Variants in TMEM232 observed in about 807,000 individuals in gnomAD.
The protein encoded by TMEM232 is transmembrane protein 232.
In TMEM232, 80 loss-of-function variants were observed where a neutral mutation model predicts 78.8. The ratio of observed to expected loss-of-function variants is 1.01; its 90% CI spans 0.85 to 1.22. The LOEUF is 1.22. Among genes scored for constraint, TMEM232 ranks in the 50% most tolerant of loss-of-function variants. The pLI is 0.00. For missense variants in TMEM232, 881 were observed against 742.2 expected (o/e 1.19, Z -2.17); for synonymous variants, 297 against 254.3 (o/e 1.17, Z -1.60).
chr5:110,491,362 C>T (rs1415327323), intron 12 of TMEM232, among the ~76,000 whole-genome samples: 1 of 151,900 alleles, frequency 6.6e-6, no homozygotes, highest in African/African-American at 2.4e-5. Flanking sequence ...TTATACATTG[C>T]TGATGGGTAT....
chr5:110,516,132 A>G (rs1768599759), intron 12 of TMEM232, among the ~76,000 whole-genome samples: 1 of 152,046 alleles, frequency 6.6e-6, no homozygotes, highest in South Asian at 2.1e-4. Flanking sequence ...CCAGCTACTC[A>G]GGAGGCTGAC....
At chr5:110,404,397 C>A (rs1032447265) in intron 2 of TMEM232, among the ~76,000 whole-genome samples, 7 of 152,082 alleles carry the variant, frequency 4.6e-5, no homozygotes, top group Admixed American at 4.6e-4. Context: ...GAGAAAAAAA[C>A]TATTTTATTC....
chr5:110,640,466 A>G (rs576243024), intron 4 of TMEM232, among the ~76,000 whole-genome samples: 3 of 152,170 alleles, frequency 2.0e-5, no homozygotes, highest in Non-Finnish European at 2.9e-5. Context: ...GGAGTGATAA[A>G]TGAAAAGGTA....
intron 1 of TMEM232, among the ~76,000 whole-genome samples, chr5:110,696,579 T>G (rs1794812216): frequency 6.6e-6 from 1 of 152,166 alleles, no homozygotes; most frequent in South Asian, 2.1e-4. Context: ...AAAATCTCCT[T>G]AAGCTGATAA....
chr5:110,738,834 T>C (rs138263274), upstream of TMEM232: 86 of 598,818 alleles, frequency 1.4e-4, no homozygotes, highest in African/African-American at 1.5e-3. Flanking sequence ...TTTGGTACTG[T>C]GTTTCATTAA....
intron 12 of TMEM232, among the ~76,000 whole-genome samples, chr5:110,492,722 T>C (rs1243372749): frequency 2.0e-5 from 3 of 152,006 alleles, no homozygotes; most frequent in Admixed American, 1.3e-4. Flanking sequence ...TTCTCATTAG[T>C]CACAAATTTC....
chr5:110,579,125 G>A (rs531791478), intron 10 of TMEM232, among the ~76,000 whole-genome samples: 44 of 151,664 alleles, frequency 2.9e-4, no homozygotes, highest in African/African-American at 9.9e-4. Flanking sequence ...TCATGTCAAG[G>A]GGATGATTGT....
intron 1 of TMEM232, among the ~76,000 whole-genome samples, chr5:110,706,620 T>C (rs1795956994): frequency 6.6e-6 from 1 of 152,144 alleles, no homozygotes; most frequent in Admixed American, 6.6e-5. Context: ...TTATTTTTAA[T>C]CTCAAATTCT....
intron 10 of TMEM232, among the ~76,000 whole-genome samples, chr5:110,585,248 G>A (rs73224349): frequency 0.029 from 4,443 of 152,166 alleles, 221 homozygotes; most frequent in African/African-American, 0.1. Context: ...GAGATAATAG[G>A]AAACTTTTAG....
chr5:110,452,949 A>G (rs1760482453), intron 12 of TMEM232, among the ~76,000 whole-genome samples: 1 of 152,186 alleles, frequency 6.6e-6, no homozygotes, highest in African/African-American at 2.4e-5. Flanking sequence ...GAGGTGCTTA[A>G]CAGAACGCTT....
In TMEM232 at chr5:110,669,880, C is replaced by T. The variant is rs563396772; in HGVS notation, c.-12-2516G>A. Among the ~76,000 whole-genome samples, 10 of 152,210 alleles carry T rather than the reference C, an allele frequency of 6.6e-5. No individual in the cohort carries two copies. In the East Asian group the frequency reaches 1.2e-3, roughly 18 times the overall value. ...ATATAAACAGAACCAAAGACAAAAA[C>T]CACATGATTATCTCAATAGATGCAG... On this transcript the variant is annotated intron_variant, in intron 1 of 13. Coordinates refer to ENST00000455884, the MANE Select transcript of TMEM232 (RefSeq NM_001039763.4).
In TMEM232 at chr5:110,683,188, T is replaced by C. The variant is rs544115931; in HGVS notation, c.-12-15824A>G. 2.6e-5 allele frequency among the ~76,000 whole-genome samples: 4 copies of C among 152,234 alleles called. No individual in the cohort carries two copies. In the South Asian group the frequency reaches 6.2e-4, roughly 24 times the overall value. On this transcript the variant is annotated intron_variant, in intron 1 of 13. Transcript: ENST00000455884. Reference sequence around the variant, plus strand: ...GACTAAGCAATAAATACTTTAAACATGAAAATATTCCAAAATTAGTACATC... The same window carrying C: ...GACTAAGCAATAAATACTTTAAACACGAAAATATTCCAAAATTAGTACATC...
chr5:110,408,659 TA>T (rs1456310645), intron 2 of TMEM232, among the ~76,000 whole-genome samples: 1 of 151,966 alleles, frequency 6.6e-6, no homozygotes, highest in Non-Finnish European at 1.5e-5. Context: ...ATTAAAAATA[TA>T]AACAAAATTC....
intron 12 of TMEM232, among the ~76,000 whole-genome samples, chr5:110,471,605 C>T (rs575272854): frequency 1.4e-4 from 21 of 149,608 alleles, no homozygotes; most frequent in African/African-American, 4.4e-4. Flanking sequence ...TGACATATTC[C>T]AAGTGCTGAA....
At chr5:110,469,354 G>A (rs1762423360) in intron 12 of TMEM232, among the ~76,000 whole-genome samples, 1 of 152,212 alleles carries the variant, frequency 6.6e-6, no homozygotes, top group Non-Finnish European at 1.5e-5. Context: ...GAGCTGGGCT[G>A]TGAACTGCTG....
At chr5:110,727,009 TTTAAA>T (rs1315847940), upstream of TMEM232, among the ~76,000 whole-genome samples, 3 of 152,156 alleles carry the variant, frequency 2.0e-5, no homozygotes, top group African/African-American at 7.2e-5. Context: ...TAGCTATGTC[TTTAAA>T]TTAAATTGCC....
At chr5:110,665,093 A>T (rs535163865) in intron 2 of TMEM232, among the ~76,000 whole-genome samples, 1 of 152,170 alleles carries the variant, frequency 6.6e-6, no homozygotes, top group South Asian at 2.1e-4. Flanking sequence ...CCATAACAAT[A>T]AGCCAACATC....
intron 12 of TMEM232, among the ~76,000 whole-genome samples, chr5:110,454,244 T>C (rs934208984): frequency 1.3e-5 from 2 of 152,094 alleles, no homozygotes; most frequent in African/African-American, 4.8e-5. Context: ...AGTTAGACAA[T>C]TTTCTGGCCA....
chr5:110,662,191 A>G (rs916295584), intron 2 of TMEM232, among the ~76,000 whole-genome samples: 1 of 152,162 alleles, frequency 6.6e-6, no homozygotes, highest in Non-Finnish European at 1.5e-5. Context: ...TAAAAGTTAG[A>G]AAATACAAAT....
Sources: gnomAD v4.1 joint callset for allele counts (sites outside exome capture counted in the v4.1 genomes callset) on GRCh38, gnomAD v4.1.1 for gene constraint, MANE v1.5 for transcripts, NCBI Gene and HGNC (gene_info 2026-07-23, HGNC 2026-07-21) for gene names.